The following DNM3 variants were observed in gnomAD, a reference collection of about 807,000 sequenced individuals.
DNM3 encodes the protein dynamin 3, also known as dynamin-3.
Under a neutral mutation model 101.6 loss-of-function variants are expected in DNM3, and 47 were observed. That is an observed-to-expected ratio of 0.46 (90% CI 0.37 to 0.59). DNM3 has a LOEUF of 0.59. Ranked by LOEUF, DNM3 falls within the 20% of genes least tolerant of loss-of-function variation. The pLI is 0.00. For missense variants in DNM3, 849 were observed against 1,085.7 expected (o/e 0.78, Z 3.06); for synonymous variants, 385 against 387.9 (o/e 0.99, Z 0.09).
chr1:172,043,698 C>T lies in DNM3; in HGVS notation c.1129-687C>T, dbSNP rs535873493. ...TTATGGGTAGAGACCTAGAACAATT[C>T]GTCATTCTAGGGCATAAGCTGTGAG... is the stretch of plus-strand genomic sequence containing the variant. On this transcript the variant is annotated intron_variant, in intron 8 of 20. Transcript: ENST00000627582. Among the ~76,000 whole-genome samples, 36 of 152,064 alleles carry T rather than the reference C, an allele frequency of 2.4e-4. No individual in the cohort carries two copies. The South Asian group carries it at 7.1e-3, about 30-fold the overall frequency.
chr1:172,204,301 T>C (rs1016286345), intron 14 of DNM3, among the ~76,000 whole-genome samples: 2 of 152,086 alleles, frequency 1.3e-5, no homozygotes, highest in Non-Finnish European at 2.9e-5. Context: ...CATTATTTGT[T>C]TGTTCTCAAA....
chr1:172,203,846 A>C (rs891857453), intron 14 of DNM3, among the ~76,000 whole-genome samples: 1 of 152,174 alleles, frequency 6.6e-6, no homozygotes, highest in Non-Finnish European at 1.5e-5. Flanking sequence ...TTGATGGTTA[A>C]ATTGGTTATT....
intron 2 of DNM3, among the ~76,000 whole-genome samples, chr1:171,986,117 A>T (rs2045235689): frequency 6.6e-6 from 1 of 152,142 alleles, no homozygotes; most frequent in Non-Finnish European, 1.5e-5. Context: ...AGATTTGTTG[A>T]ACCTATGAAG....
intron 18 of DNM3, chr1:172,381,068 TGC>T (rs1304418996): frequency 5.6e-5 from 5 of 89,422 alleles, no homozygotes; most frequent in Non-Finnish European, 1.5e-4. Context: ...CACACACATA[TGC>T]GCACACACAC....
At chr1:171,892,862 T>C (rs901619929) in intron 1 of DNM3, among the ~76,000 whole-genome samples, 3 of 151,916 alleles carry the variant, frequency 2.0e-5, no homozygotes, top group Admixed American at 6.6e-5. Flanking sequence ...CATGATAGGG[T>C]TTACACTGTT....
At chr1:172,336,700 T>TAA (rs71717500) in intron 17 of DNM3, among the ~76,000 whole-genome samples, 7 of 138,568 alleles carry the variant, frequency 5.1e-5, no homozygotes, top group African/African-American at 1.6e-4. Flanking sequence ...TCTTTACCTT[T>TAA]AAAAAAAAAA....
rs534337125 is a variant in DNM3, at chr1:172,141,752, C to T, written c.1659+10464C>T. On this transcript the variant is annotated intron_variant, in intron 14 of 20. Transcript: ENST00000627582. ...ATAAACATATTATCTGGGCCGAAAGCCCGAATGCCAAGCAGGAAGGATATT... is the reference window on the plus strand; with the variant it reads ...ATAAACATATTATCTGGGCCGAAAGTCCGAATGCCAAGCAGGAAGGATATT... Among the ~76,000 whole-genome samples, 9 of 152,030 alleles carry T rather than the reference C, an allele frequency of 5.9e-5. No homozygotes were observed. The East Asian group carries it at 1.5e-3, about 26-fold the overall frequency.
intron 4 of DNM3, among the ~76,000 whole-genome samples, chr1:172,009,388 G>A (rs942955070): frequency 6.6e-6 from 1 of 151,012 alleles, no homozygotes; most frequent in African/African-American, 2.4e-5. Context: ...GTCAGTTTCT[G>A]CAAAAAGCTT....
At chr1:171,970,153 T>C in intron 2 of DNM3, 1 of 545,850 alleles carries the variant, frequency 1.8e-6, no homozygotes, top group Non-Finnish European at 2.3e-6. Flanking sequence ...ATTTTATCGA[T>C]GGAATACTTT....
intron 18 of DNM3, chr1:172,386,702 G>A (rs576710536): frequency 8.9e-5 from 14 of 157,220 alleles, no homozygotes; most frequent in East Asian, 1.8e-4. Context: ...AAAGGACTGC[G>A]AATGCCAAGG....
At chr1:172,056,452 C>T (rs1308750912) in intron 10 of DNM3, among the ~76,000 whole-genome samples, 2 of 152,176 alleles carry the variant, frequency 1.3e-5, no homozygotes, top group East Asian at 3.8e-4. Flanking sequence ...TGTCTGACAG[C>T]TTTGAAGAGA....
At chr1:172,267,435 AG>A (rs1328866748) in intron 15 of DNM3, among the ~76,000 whole-genome samples, 1 of 152,224 alleles carries the variant, frequency 6.6e-6, no homozygotes, top group Non-Finnish European at 1.5e-5. Flanking sequence ...AGACTCTCAG[AG>A]GAAATAGTTT....
chr1:172,227,304 A>ATATATC lies in DNM3; in HGVS notation c.1660-26268_1660-26267insATATCT, dbSNP rs1215756972. ...TATATATATATATATATATATATAT[A>ATATATC]TCACATTTTCTTTATCCACTCGTCA... On this transcript the variant is annotated intron_variant, in intron 14 of 20. Transcript: ENST00000627582. 5.3e-5 allele frequency among the ~76,000 whole-genome samples: 7 copies of ATATATC among 131,552 alleles called. No individual in the cohort carries two copies. The South Asian group carries it at 7.4e-4, about 14-fold the overall frequency. The allele number at this position is 131,552 out of a possible 152,430, so 86.3% of individuals were successfully genotyped here. A position where few individuals can be genotyped will look rare whatever the true frequency, so the allele number is the denominator to read the frequency against.
At chr1:172,333,562 G>A (rs1377652588) in intron 17 of DNM3, among the ~76,000 whole-genome samples, 2 of 152,130 alleles carry the variant, frequency 1.3e-5, no homozygotes, top group Admixed American at 6.5e-5. Context: ...ACTTAAAACT[G>A]TAGTTGTTTC....
At chr1:172,248,991 A>G (rs1456068377) in intron 14 of DNM3, among the ~76,000 whole-genome samples, 1 of 152,208 alleles carries the variant, frequency 6.6e-6, no homozygotes, top group Non-Finnish European at 1.5e-5. Context: ...AACAAATACA[A>G]TAATTAAAGC....
intron 10 of DNM3, among the ~76,000 whole-genome samples, chr1:172,056,029 G>A (rs1028630455): frequency 2.0e-5 from 3 of 152,196 alleles, no homozygotes; most frequent in East Asian, 1.9e-4. Context: ...GCCTCACTCC[G>A]GAAGTGCAAG....
intron 11 of DNM3, among the ~76,000 whole-genome samples, chr1:172,081,566 A>C (rs1353243864): frequency 6.6e-6 from 1 of 152,174 alleles, no homozygotes; most frequent in Non-Finnish European, 1.5e-5. Flanking sequence ...TTCTGTATTA[A>C]GGTAGCAAAT....
chr1:172,180,849 G>T (rs2059318593), intron 14 of DNM3, among the ~76,000 whole-genome samples: 1 of 152,074 alleles, frequency 6.6e-6, no homozygotes, highest in Admixed American at 6.6e-5. Flanking sequence ...TTGGCATGTG[G>T]CATTTACTTG....
At chr1:172,269,463 A>G (rs1377006763) in intron 15 of DNM3, among the ~76,000 whole-genome samples, 1 of 152,194 alleles carries the variant, frequency 6.6e-6, no homozygotes, top group Non-Finnish European at 1.5e-5. Flanking sequence ...CTACAGAAAA[A>G]ATATGATCAA....
Sources: allele counts gnomAD v4.1 joint callset (sites outside exome capture counted in the v4.1 genomes callset), GRCh38; gene constraint gnomAD v4.1.1; transcripts MANE v1.5; gene names NCBI Gene and HGNC (gene_info 2026-07-23, HGNC 2026-07-21).